PRR5L: variants seen among roughly 807,000 people sequenced by gnomAD.
PRR5L encodes the protein proline-rich protein 5-like.
Under a neutral mutation model 36.4 loss-of-function variants are expected in PRR5L, and 21 were observed. That is an observed-to-expected ratio of 0.58 (90% confidence interval 0.41 to 0.83). The LOEUF is 0.83. Ranked by LOEUF, PRR5L falls within the 40% of genes least tolerant of loss-of-function variation. PRR5L has a pLI of 0.00. For missense variants in PRR5L, 381 were observed against 473.3 expected, an observed-to-expected ratio of 0.80 and a Z score of 1.81; for synonymous variants, 188 against 197.0, an observed-to-expected ratio of 0.95 and a Z score of 0.38.
chr11:36,336,891 C>G (rs1425616351), intron 1 of PRR5L, among the ~76,000 whole-genome samples: 1 of 151,976 alleles, frequency 6.6e-6, no homozygotes, highest in African/African-American at 2.4e-5. Context: ...AGATGGGTAC[C>G]TCTGTTTCTT....
intron 1 of PRR5L, among the ~76,000 whole-genome samples, chr11:36,304,398 T>G (rs1273664937): frequency 6.6e-6 from 1 of 152,186 alleles, no homozygotes; most frequent in Non-Finnish European, 1.5e-5. Flanking sequence ...TCATGGAGCT[T>G]TTATTTTAGG....
At chr11:36,395,167 T>C (rs916831539) in intron 1 of PRR5L, among the ~76,000 whole-genome samples, 1 of 152,150 alleles carries the variant, frequency 6.6e-6, no homozygotes, top group African/African-American at 2.4e-5. Flanking sequence ...TTCTTTACAG[T>C]AACCACAAAA....
Position 36,450,378 on chromosome 11 carries a change from G to C in PRR5L, c.586-831G>C, listed in dbSNP as rs1318082468. 2.0e-5 allele frequency among the ~76,000 whole-genome samples: 3 copies of C among 152,338 alleles called. No individual in the cohort carries two copies. The East Asian group carries it at 5.8e-4, about 29-fold the overall frequency. On this transcript the variant is annotated intron_variant, in intron 7 of 8. Transcript: ENST00000530639. The stretch of plus-strand genomic sequence containing the variant: ...TCCCCTCTCCTGCCAGGTGGTCTTT[G>C]CTTCTTTGCAGCCCCTCAACATGAC...
intron 1 of PRR5L, among the ~76,000 whole-genome samples, chr11:36,333,756 ATCT>A (rs1565394570): frequency 1.3e-5 from 2 of 152,172 alleles, no homozygotes; most frequent in Admixed American, 1.3e-4. Context: ...GGGCATGGAA[ATCT>A]TCTGGGAATG....
chr11:36,449,295 C>G (rs761625394), intron 7 of PRR5L, among the ~76,000 whole-genome samples: 1 of 152,226 alleles, frequency 6.6e-6, no homozygotes, highest in Non-Finnish European at 1.5e-5. Context: ...CATTCTCTCC[C>G]TAGACATGCA....
intron 5 of PRR5L, among the ~76,000 whole-genome samples, chr11:36,435,406 G>A (rs1264605104): frequency 6.6e-6 from 1 of 152,154 alleles, no homozygotes; most frequent in Non-Finnish European, 1.5e-5. Flanking sequence ...CTGTACCTAG[G>A]ACAAGTACTA....
chr11:36,448,431 C>A (rs1858877940), intron 7 of PRR5L, among the ~76,000 whole-genome samples: 1 of 152,140 alleles, frequency 6.6e-6, no homozygotes, highest in Non-Finnish European at 1.5e-5. Context: ...GTCTTCTTGG[C>A]TTCTCCTGGC....
chr11:36,338,265 C>G (rs916198103), intron 1 of PRR5L, among the ~76,000 whole-genome samples: 33 of 152,206 alleles, frequency 2.2e-4, no homozygotes, highest in Non-Finnish European at 8.8e-5. Flanking sequence ...TCTTAATACT[C>G]TATCCCCATT....
intron 1 of PRR5L, among the ~76,000 whole-genome samples, chr11:36,342,798 G>A (rs529855865): frequency 4.5e-4 from 68 of 152,036 alleles, no homozygotes; most frequent in Non-Finnish European, 8.1e-4. Context: ...AAATATAGCC[G>A]CACTTTAGAA....
chr11:36,411,699 G>A (rs1041125090), intron 3 of PRR5L, among the ~76,000 whole-genome samples: 14 of 152,306 alleles, frequency 9.2e-5, no homozygotes, highest in African/African-American at 3.4e-4. Flanking sequence ...CTGAGGCTGA[G>A]GGGTTGCTTT....
intron 1 of PRR5L, among the ~76,000 whole-genome samples, chr11:36,389,637 A>C (rs184775647): frequency 0.027 from 3,301 of 123,022 alleles, 64 homozygotes; most frequent in Non-Finnish European, 0.035. Flanking sequence ...TTTTTGGTAG[A>C]GTTTTGCTCT....
chr11:36,305,083 T>G (rs757478653), intron 1 of PRR5L, among the ~76,000 whole-genome samples: 1 of 152,202 alleles, frequency 6.6e-6, no homozygotes, highest in Non-Finnish European at 1.5e-5. Flanking sequence ...GAAATGTTCA[T>G]AGCAGCATTA....
At chr11:36,417,616 G>A (rs1858174261) in intron 3 of PRR5L, among the ~76,000 whole-genome samples, 1 of 152,212 alleles carries the variant, frequency 6.6e-6, no homozygotes, top group East Asian at 1.9e-4. Context: ...CATGGGAAAA[G>A]GAAGGTATTT....
chr11:36,329,292 C>T (rs891980563), intron 1 of PRR5L: 1 of 152,102 alleles, frequency 6.6e-6, no homozygotes, highest in Non-Finnish European at 1.5e-5. Context: ...GTGATAAATC[C>T]TTTGAAGTTA....
chr11:36,434,937 CA>C (rs1424869079), intron 5 of PRR5L, among the ~76,000 whole-genome samples: 1 of 152,114 alleles, frequency 6.6e-6, no homozygotes, highest in Non-Finnish European at 1.5e-5. Flanking sequence ...CCTTGTGTGC[CA>C]ATGAGCATCC....
chr11:36,376,959 C>T (rs1230043675), intron 1 of PRR5L, among the ~76,000 whole-genome samples: 4 of 152,074 alleles, frequency 2.6e-5, no homozygotes, highest in African/African-American at 7.2e-5. Context: ...GGTGGGCAGG[C>T]CACGCTCCCG....
intron 1 of PRR5L, among the ~76,000 whole-genome samples, chr11:36,364,080 T>C (rs948057129): frequency 2.0e-5 from 3 of 152,148 alleles, no homozygotes. Context: ...GGTGTGAATT[T>C]CAGCTCTGCC....
At chr11:36,425,854 C>T (rs1858370958) in intron 4 of PRR5L, 1 of 151,860 alleles carries the variant, frequency 6.6e-6, no homozygotes, top group Admixed American at 6.6e-5. Context: ...TAATTTGCAG[C>T]CCTGGGTTTA....
At chr11:36,387,246 C>A (rs573828457) in intron 1 of PRR5L, among the ~76,000 whole-genome samples, 1 of 151,930 alleles carries the variant, frequency 6.6e-6, no homozygotes, top group East Asian at 1.9e-4. Flanking sequence ...GGGTGGGGAA[C>A]ACCACACACC....
Sources: gnomAD v4.1 joint callset for allele counts (sites outside exome capture counted in the v4.1 genomes callset) on GRCh38, gnomAD v4.1.1 for gene constraint, MANE v1.5 for transcripts, NCBI Gene and HGNC (gene_info 2026-07-23, HGNC 2026-07-21) for gene names.